Variants in MPP7 observed in about 807,000 individuals in gnomAD.
The protein encoded by MPP7 is MAGUK p55 scaffold protein 7.
Under a neutral mutation model 76.5 loss-of-function variants are expected in MPP7, and 60 were observed. That is an observed-to-expected ratio of 0.78 (90% CI 0.64 to 0.97). The LOEUF (loss-of-function observed/expected upper bound fraction) is 0.97, where lower values mean the gene tolerates loss of function less well. Among genes scored for constraint, MPP7 ranks in the 50% least tolerant of loss-of-function variants. MPP7 has a pLI of 0.00. For synonymous variants in MPP7, 237 were observed against 244.5 expected, an observed-to-expected ratio of 0.97 and a Z score of 0.29; for missense variants, 641 against 694.0, an observed-to-expected ratio of 0.92 and a Z score of 0.86.
intron 3 of MPP7, among the ~76,000 whole-genome samples, chr10:28,186,440 T>C (rs1156339659): frequency 6.6e-6 from 1 of 152,212 alleles, no homozygotes; most frequent in African/African-American, 2.4e-5. Context: ...AATAATTTAC[T>C]TTAAATAAAA....
At chr10:28,223,731 T>G (rs917394277) in intron 2 of MPP7, among the ~76,000 whole-genome samples, 1 of 152,094 alleles carries the variant, frequency 6.6e-6, no homozygotes, top group African/African-American at 2.4e-5. Flanking sequence ...ATTTCTGATC[T>G]GAGTCTCAAG....
chr10:28,201,346 A>C (rs1334470277), intron 3 of MPP7, among the ~76,000 whole-genome samples: 1 of 152,162 alleles, frequency 6.6e-6, no homozygotes, highest in Non-Finnish European at 1.5e-5. Context: ...AGCCATAACA[A>C]AGTTAGCTGA....
At chr10:28,159,381 TA>T (rs1375419609) in intron 3 of MPP7, among the ~76,000 whole-genome samples, 1 of 152,254 alleles carries the variant, frequency 6.6e-6, no homozygotes, top group Non-Finnish European at 1.5e-5. Flanking sequence ...TAAGAATTTT[TA>T]AAAATTTATT....
rs1182728761 is a variant in MPP7 at position 28,138,927 on chromosome 10, G to A, written c.316-7236C>T. 3.3e-5 allele frequency among the ~76,000 whole-genome samples: 5 copies of A among 152,170 alleles called. No homozygotes were observed. In the East Asian group the frequency reaches 7.7e-4, roughly 23 times the overall value. On this transcript the variant is annotated intron_variant, in intron 5 of 16. Transcript: ENST00000683449. ...CAATGTTGCAATCACAGTGCTATGT[G>A]CTAGAAACAAAGATAAGAAGACCAT...
chr10:28,141,266 T>C (rs998492326), intron 5 of MPP7, among the ~76,000 whole-genome samples: 1 of 151,966 alleles, frequency 6.6e-6, no homozygotes, highest in African/African-American at 2.4e-5. Context: ...ACAAACATCA[T>C]ACTTATTAAT....
rs917595608 is a variant in MPP7, at chr10:28,053,730, G to C, written c.*335C>G. 1 of 222,708 alleles carries C rather than the reference G, an allele frequency of 4.5e-6. No individual in the cohort carries two copies. Among genetic ancestry groups the C allele is most frequent in the Non-Finnish European group, 8.6e-6 (1 of 115,768 alleles). 13.8% of individuals were successfully genotyped at this position (222,708 alleles called of 1,614,324 possible). ...ACAGCAGCAGCCACACCTGAGACCAGCAGAAGCGCTGAACTCCCATACATA... is the reference window on the plus strand; with the variant it reads ...ACAGCAGCAGCCACACCTGAGACCACCAGAAGCGCTGAACTCCCATACATA... On this transcript the variant is annotated 3_prime_UTR_variant, in exon 17 of 17. Transcript: ENST00000683449.
At chr10:28,317,504 C>A (rs1031884494) in intron 2 of MPP7, among the ~76,000 whole-genome samples, 1 of 152,154 alleles carries the variant, frequency 6.6e-6, no homozygotes, top group East Asian at 1.9e-4. Context: ...GCATCCCAGG[C>A]TGGATGACAT....
chr10:28,282,165 ATCACAGACAGCTGTGTGCC>A (rs1196159664), intron 1 of MPP7: 1 of 152,088 alleles, frequency 6.6e-6, no homozygotes, highest in Non-Finnish European at 1.5e-5. Flanking sequence ...CTCTGACATT[ATCACAGACAGCTGTGTGCC>A]TCACAGGGCA....
chr10:28,299,817 G>A (rs908846585), intron 1 of MPP7, among the ~76,000 whole-genome samples: 1 of 148,786 alleles, frequency 6.7e-6, no homozygotes, highest in Non-Finnish European at 1.5e-5. Context: ...CCAGGCTGGA[G>A]TGCAGTGGCA....
intron 1 of MPP7, among the ~76,000 whole-genome samples, chr10:28,258,177 C>T (rs1839845189): frequency 6.6e-6 from 1 of 150,794 alleles, no homozygotes; most frequent in African/African-American, 2.4e-5. Flanking sequence ...GTCTAGAACC[C>T]GATGTTCCTT....
intron 1 of MPP7, among the ~76,000 whole-genome samples, chr10:28,299,737 G>T (rs550798480): frequency 6.7e-5 from 10 of 150,082 alleles, no homozygotes; most frequent in Admixed American, 2.7e-4. Flanking sequence ...CTTTCCTTCC[G>T]AATGTATCTC....
intron 2 of MPP7, among the ~76,000 whole-genome samples, chr10:28,209,647 T>C (rs1838067305): frequency 6.6e-6 from 1 of 152,136 alleles, no homozygotes; most frequent in Non-Finnish European, 1.5e-5. Flanking sequence ...TACTATTACA[T>C]CAAAGGCTTG....
intron 11 of MPP7, among the ~76,000 whole-genome samples, chr10:28,098,607 A>C (rs1268700930): frequency 6.6e-6 from 1 of 151,656 alleles, no homozygotes; most frequent in East Asian, 1.9e-4. Context: ...ACAACAAATG[A>C]AATGAACAAA....
At chr10:28,249,472 C>T (rs1444648395) in intron 1 of MPP7, among the ~76,000 whole-genome samples, 2 of 152,108 alleles carry the variant, frequency 1.3e-5, no homozygotes, top group African/African-American at 2.4e-5. Context: ...GCTTGTAGTC[C>T]CAGCTATTCG....
chr10:28,243,380 G>A (rs149714354), intron 1 of MPP7, among the ~76,000 whole-genome samples: 4 of 149,954 alleles, frequency 2.7e-5, no homozygotes, highest in East Asian at 2.0e-4. Context: ...GAAGACCCAC[G>A]GTGGTATTAA....
Position 28,125,134 on chromosome 10 carries a change from T to TA in MPP7, c.448-44dup, listed in dbSNP as rs754538171. 587 of 1,492,522 alleles carry TA rather than the reference T, an allele frequency of 3.9e-4. 1 individual carries two copies. Among genetic ancestry groups the TA allele is most frequent in the Non-Finnish European group, 4.8e-4 (519 of 1,070,250 alleles). 92.5% of individuals were successfully genotyped at this position (1,492,522 alleles called of 1,614,324 possible). ...AAAAGCATTTGTGGGTAAATGTGTG[T>TA]ACTAGGTGTTAGAAAAGGAGGAAAT... is the stretch of plus-strand genomic sequence containing the variant. On this transcript the variant is annotated intron_variant, in intron 6 of 16. Coordinates refer to ENST00000683449, the MANE Select transcript of MPP7 (RefSeq NM_001318170.2).
intron 11 of MPP7, chr10:28,118,615 T>C (rs1834731110): frequency 1.0e-6 from 1 of 985,394 alleles, no homozygotes. Flanking sequence ...AGCTTTAAGT[T>C]TTCTGATGTC....
intron 2 of MPP7, among the ~76,000 whole-genome samples, chr10:28,309,232 C>T (rs537379282): frequency 1.1e-4 from 17 of 152,060 alleles, no homozygotes; most frequent in African/African-American, 3.4e-4. Context: ...CGGCCAACAT[C>T]GTGAAACCCC....
upstream of MPP7, among the ~76,000 whole-genome samples, chr10:28,303,098 T>C (rs1841206905): frequency 6.6e-6 from 1 of 151,980 alleles, no homozygotes; most frequent in African/African-American, 2.4e-5. Context: ...GGGACCGCGG[T>C]TGGAGGGGCG....
Sources: gnomAD v4.1 joint callset for allele counts (sites outside exome capture counted in the v4.1 genomes callset) on GRCh38, gnomAD v4.1.1 for gene constraint, MANE v1.5 for transcripts, NCBI Gene and HGNC (gene_info 2026-07-23, HGNC 2026-07-21) for gene names.